The following SEPTIN4 variants were observed in gnomAD, a reference collection of about 807,000 sequenced individuals.
SEPTIN4 encodes the protein septin 4.
Under a neutral mutation model 107.1 loss-of-function variants are expected in SEPTIN4, and 52 were observed. The observed-to-expected ratio is 0.49, with a 90% CI of 0.39 to 0.61. The LOEUF is 0.61. Ranked by LOEUF, SEPTIN4 falls within the 20% of genes least tolerant of loss-of-function variation. The pLI, the probability that SEPTIN4 is intolerant of heterozygous loss-of-function variation, is 0.00. For missense variants in SEPTIN4, 1,048 were observed against 1,243.5 expected (o/e 0.84, Z 2.36); for synonymous variants, 417 against 467.0 (o/e 0.89, Z 1.38).
At chr17:58,531,794 C>T in intron 3 of SEPTIN4, 2 of 601,302 alleles carry the variant, frequency 3.3e-6, no homozygotes, top group Non-Finnish European at 4.3e-6. Context: ...AGCGACGCAC[C>T]GCCGCCCGGC....
In SEPTIN4 at chr17:58,525,690, CTTA is replaced by C. The variant is rs1279664370; in HGVS notation, c.2092+2_2092+4del. 6.2e-7 allele frequency: 1 copy of C among 1,613,372 alleles called. No homozygotes were observed. The highest frequency in any genetic ancestry group is 8.5e-7 in the Non-Finnish European group (1 of 1,179,326). The stretch of plus-strand genomic sequence containing the variant: ...GTCTGCCTGATTGTCCTCTCCTTTC[CTTA>C]CCTTCAGCACCAAGAAGTTTCCGGT... On this transcript the variant is annotated splice_donor_variant and splice_donor_region_variant and intron_variant, in intron 6 of 13. Coordinates refer to ENST00000672673, the MANE Select transcript of SEPTIN4 (RefSeq NM_001368771.2). LOFTEE classifies it high-confidence loss of function.
chr17:58,523,658 A>C (rs758698169), intron 7 of SEPTIN4, among the ~76,000 whole-genome samples: 2 of 151,256 alleles, frequency 1.3e-5, no homozygotes, highest in African/African-American at 2.4e-5. Flanking sequence ...CAGGCTGGAC[A>C]TCTAGTATGT....
intron 2 of SEPTIN4, chr17:58,541,654 G>A: frequency 1.1e-6 from 1 of 942,774 alleles, no homozygotes. Context: ...AGCTGAAAAG[G>A]CCATGAGGCT....
chr17:58,537,600 G>A (rs756986257), intron 3 of SEPTIN4, among the ~76,000 whole-genome samples: 4 of 152,152 alleles, frequency 2.6e-5, no homozygotes, highest in Non-Finnish European at 4.4e-5. Flanking sequence ...GGGAGGCTGA[G>A]GTGGGTGGAT....
chr17:58,527,873 A>G, intron 3 of SEPTIN4: 19 of 985,768 alleles, frequency 1.9e-5, no homozygotes, highest in South Asian at 4.7e-5. Context: ...GGCCTGAACC[A>G]TGACCCACAG....
intron 3 of SEPTIN4, chr17:58,527,792 AT>A: frequency 1.0e-6 from 1 of 967,546 alleles, no homozygotes; most frequent in Non-Finnish European, 1.2e-6. Flanking sequence ...TGTGAGGGAC[AT>A]ATAAGGGGAA....
Position 58,521,683 on chromosome 17 carries a change from C to A in SEPTIN4, c.2470-37G>T. 1.9e-6 allele frequency: 3 copies of A among 1,614,226 alleles called. No individual in the cohort carries two copies. The highest frequency in any genetic ancestry group is 2.5e-6 in the Non-Finnish European group (3 of 1,180,034). Reference sequence around the variant, plus strand: ...ATGAGGGGCCCACAGTTCTGGGGACCACATCCTTTCTAGAAGCCCACCTGA... The same window carrying A: ...ATGAGGGGCCCACAGTTCTGGGGACAACATCCTTTCTAGAAGCCCACCTGA... On this transcript the variant is annotated intron_variant, in intron 9 of 13. Transcript: ENST00000672673. The surrounding 1 kb of genome is among the most constrained non-coding windows in gnomAD (Gnocchi z 6.4).
intron 3 of SEPTIN4, chr17:58,529,075 G>A (rs2043225656): frequency 6.2e-7 from 1 of 1,611,328 alleles, no homozygotes; most frequent in Non-Finnish European, 8.5e-7. Context: ...GCAGGGGGAA[G>A]ACAGGTCACG....
At chr17:58,529,737 G>A (rs1462811621) in intron 3 of SEPTIN4, 1 of 152,934 alleles carries the variant, frequency 6.5e-6, no homozygotes, top group Non-Finnish European at 1.4e-5. Flanking sequence ...TAGGTGAGAT[G>A]TCCTATACTC....
At chr17:58,541,743 A>T in intron 2 of SEPTIN4, 179 bp downstream of exon 2, 1 of 1,538,006 alleles carries the variant, frequency 6.5e-7, no homozygotes, top group East Asian at 2.3e-5. Flanking sequence ...AGCCCCAAAG[A>T]AATGACTCTA....
rs118142130 is a variant in SEPTIN4, at chr17:58,539,638, C to T, written c.1614+1028G>A. ...ATCTCCCCAACCACATGGCAAGTTTCTCAAGGCCAAGGAATGTGTGTGCTG... is the reference window on the plus strand; with the variant it reads ...ATCTCCCCAACCACATGGCAAGTTTTTCAAGGCCAAGGAATGTGTGTGCTG... On this transcript the variant is annotated intron_variant, in intron 3 of 13. Coordinates refer to ENST00000672673, the MANE Select transcript of SEPTIN4 (RefSeq NM_001368771.2). Among the ~76,000 whole-genome samples, 11 of 152,308 alleles carry T rather than the reference C, an allele frequency of 7.2e-5. No homozygotes were observed. The East Asian group carries it at 1.5e-3, about 21-fold the overall frequency.
intron 3 of SEPTIN4, 190 bp from the exon 4 acceptor site, chr17:58,527,168 C>T: frequency 9.9e-7 from 1 of 1,008,214 alleles, no homozygotes. Flanking sequence ...GCTCACAAGC[C>T]TCCCCAATCC....
Position 58,541,952 on chromosome 17 carries a change from T to C in SEPTIN4, c.1576A>G (p.Met526Val). The change falls in exon 2 of 14, where the codon ATG becomes GTG. Residue 526 changes from methionine to valine, a missense_variant. Physicochemically the swap from Met to Val is conservative, Grantham distance 21. Transcript: ENST00000672673. ...AGCCACCAGATGACACGATTGTACA[T>C]TTCCTCAGAGACATCTGAAAGTAAC... ...TAFFLDVSEE[M>V]YNRVIWWLKD... 1 of 1,614,016 alleles carries C rather than the reference T, an allele frequency of 6.2e-7. No individual in the cohort carries two copies. Among genetic ancestry groups the C allele is most frequent in the South Asian group, 1.1e-5 (1 of 91,066 alleles).
At chr17:58,539,730 T>G (rs2043825525) in intron 3 of SEPTIN4, among the ~76,000 whole-genome samples, 1 of 151,078 alleles carries the variant, frequency 6.6e-6, no homozygotes, top group African/African-American at 2.4e-5. Flanking sequence ...AAATTGTTTA[T>G]GGAAGGAAGG....
At chr17:58,533,230 A>G (rs752411944) in intron 3 of SEPTIN4, among the ~76,000 whole-genome samples, 1 of 151,958 alleles carries the variant, frequency 6.6e-6, no homozygotes, top group Non-Finnish European at 1.5e-5. Context: ...GCTACTGGAG[A>G]TGTTATTGGC....
chr17:58,540,521 G>GAA, intron 3 of SEPTIN4, 145 bp downstream of exon 3: 1 of 532,248 alleles, frequency 1.9e-6, no homozygotes, highest in East Asian at 3.5e-5. Flanking sequence ...TCTACCAGGT[G>GAA]CTCTTGTGCA....
rs1389172387 is a variant in SEPTIN4 at position 58,521,527 on chromosome 17, G to A, written c.2571+18C>T. On this transcript the variant is annotated intron_variant, in intron 10 of 13. Coordinates refer to ENST00000672673, the MANE Select transcript of SEPTIN4 (RefSeq NM_001368771.2). The surrounding 1 kb of genome is among the most constrained non-coding windows in gnomAD (Gnocchi z 6.4). ...GGAAGAAATAAGATAGGAATGGGAT[G>A]CCCTAGAGTGGCCCCACCTTTAGGG... 5.6e-6 allele frequency: 9 copies of A among 1,610,382 alleles called. No individual in the cohort carries two copies. Among genetic ancestry groups the A allele is most frequent in the Non-Finnish European group, 7.6e-6 (9 of 1,176,592 alleles).
chr17:58,526,089 GC>G, intron 5 of SEPTIN4, 130 bp downstream of exon 5: 1 of 1,190,300 alleles, frequency 8.4e-7, no homozygotes, highest in Non-Finnish European at 1.1e-6. Context: ...ATGACTCCTG[GC>G]TGTTTTGCAA....
At chr17:58,525,617 A>T in intron 6 of SEPTIN4, 78 bp downstream of exon 6, 1 of 1,303,662 alleles carries the variant, frequency 7.7e-7, no homozygotes, top group Non-Finnish European at 1.1e-6. Flanking sequence ...CATGTGGGGG[A>T]GAGCCCCATC....
Sources: gnomAD v4.1 joint callset for allele counts (sites outside exome capture counted in the v4.1 genomes callset) on GRCh38, gnomAD v4.1.1 for gene constraint, Gnocchi (gnomAD v3.1) non-coding constraint, MANE v1.5 for transcripts, NCBI Gene and HGNC (gene_info 2026-07-23, HGNC 2026-07-21) for gene names.